ST6GALNAC5: variants seen among roughly 807,000 people sequenced by gnomAD.
ST6GALNAC5 encodes alpha-N-acetylgalactosaminide alpha-2,6-sialyltransferase 5.
Under a neutral mutation model 33.6 loss-of-function variants are expected in ST6GALNAC5, and 27 were observed. The ratio of observed to expected loss-of-function variants is 0.80; its 90% CI spans 0.59 to 1.11. The LOEUF (loss-of-function observed/expected upper bound fraction) is 1.11. Ranked by LOEUF, ST6GALNAC5 falls within the 50% of genes least tolerant of loss-of-function variation. The probability of loss-of-function intolerance (pLI) is 0.00; values close to 1 mark genes in which losing one functional copy is unlikely to be tolerated. For synonymous variants in ST6GALNAC5, 194 were observed against 171.2 expected (o/e 1.13, Z -1.04); for missense variants, 428 against 454.0 (o/e 0.94, Z 0.52).
intron 2 of ST6GALNAC5, among the ~76,000 whole-genome samples, chr1:76,994,034 A>G (rs949201772): frequency 6.6e-6 from 1 of 152,250 alleles, no homozygotes; most frequent in African/African-American, 2.4e-5. Context: ...AAATATCCAA[A>G]CAACTACAAT....
chr1:76,906,797 C>A (rs1485229820), intron 2 of ST6GALNAC5, among the ~76,000 whole-genome samples: 8 of 152,182 alleles, frequency 5.3e-5, no homozygotes, highest in Admixed American at 5.2e-4. Context: ...ACTTACTAGA[C>A]ACATTCCCTT....
intron 2 of ST6GALNAC5, among the ~76,000 whole-genome samples, chr1:77,028,666 G>A (rs1197081236): frequency 2.0e-5 from 3 of 152,222 alleles, no homozygotes; most frequent in African/African-American, 7.2e-5. Context: ...GTGAGTAGTG[G>A]GGTTTGCTGA....
At chr1:76,985,925 A>AAATG (rs1360027271) in intron 2 of ST6GALNAC5, among the ~76,000 whole-genome samples, 3 of 152,268 alleles carry the variant, frequency 2.0e-5, no homozygotes, top group Non-Finnish European at 4.4e-5. Context: ...CCTATTTAAT[A>AAATG]AATGGTGTTG....
intron 2 of ST6GALNAC5, among the ~76,000 whole-genome samples, chr1:76,901,488 C>T (rs1428833991): frequency 6.6e-6 from 1 of 152,166 alleles, no homozygotes; most frequent in Admixed American, 6.5e-5. Flanking sequence ...ACCATAGTAT[C>T]ATTTTAGTGC....
intron 2 of ST6GALNAC5, chr1:76,869,012 C>T: frequency 2.4e-6 from 1 of 410,188 alleles, no homozygotes; most frequent in Non-Finnish European, 4.1e-6. Flanking sequence ...AACTAGAACT[C>T]CCTGATCCCC....
At chr1:76,920,611 A>C (rs1041626508) in intron 2 of ST6GALNAC5, among the ~76,000 whole-genome samples, 1 of 152,140 alleles carries the variant, frequency 6.6e-6, no homozygotes, top group Non-Finnish European at 1.5e-5. Flanking sequence ...TCCCACTCTT[A>C]CCTCCTTCTG....
intron 2 of ST6GALNAC5, among the ~76,000 whole-genome samples, chr1:76,936,273 A>T (rs1291882303): frequency 2.0e-5 from 3 of 152,026 alleles, no homozygotes; most frequent in Non-Finnish European, 4.4e-5. Flanking sequence ...AGCTCATTAT[A>T]CAATTAAGGT....
intron 2 of ST6GALNAC5, among the ~76,000 whole-genome samples, chr1:76,915,446 A>T (rs1405248042): frequency 6.6e-6 from 1 of 152,140 alleles, no homozygotes. Context: ...ACCAACCCAA[A>T]TGTCCAATGA....
chr1:77,052,085 C>T (rs1204746961), intron 4 of ST6GALNAC5, among the ~76,000 whole-genome samples: 3 of 152,196 alleles, frequency 2.0e-5, no homozygotes, highest in East Asian at 1.9e-4. Context: ...CAATGCATTA[C>T]ATATTGCCAC....
At chr1:77,033,323 T>TGTATG (rs1651528357) in intron 2 of ST6GALNAC5, among the ~76,000 whole-genome samples, 1 of 152,220 alleles carries the variant, frequency 6.6e-6, no homozygotes, top group Admixed American at 6.5e-5. Context: ...CTGTGCAGAA[T>TGTATG]CGCTGCCTCA....
In ST6GALNAC5 at chr1:77,065,797, T is replaced by G. The variant is rs1652754557; in HGVS notation, c.*2591T>G. ...CCTAAGTCATACTCGTTATGTTACA[T>G]GCCTTTTTCCTCTCTCCCAGCTGTG... On this transcript the variant is annotated 3_prime_UTR_variant, in exon 5 of 5. Transcript: ENST00000477717. 6.6e-6 allele frequency: 1 copy of G among 152,240 alleles called. No homozygotes were observed. The highest frequency in any genetic ancestry group is 6.5e-5 in the Admixed American group (1 of 15,278). 9.4% of individuals were successfully genotyped at this position (152,240 alleles called of 1,614,324 possible). A position where few individuals can be genotyped will look rare whatever the true frequency, so the allele number is the denominator to read the frequency against.
At chr1:76,899,377 G>A (rs188231568) in intron 2 of ST6GALNAC5, among the ~76,000 whole-genome samples, 123 of 152,136 alleles carry the variant, frequency 8.1e-4, no homozygotes, top group African/African-American at 2.8e-3. Flanking sequence ...TGGAAATAAG[G>A]GGTTGGGGCA....
intron 2 of ST6GALNAC5, among the ~76,000 whole-genome samples, chr1:77,016,279 C>G (rs1370491940): frequency 7.4e-6 from 1 of 134,968 alleles, no homozygotes; most frequent in Non-Finnish European, 1.6e-5. Context: ...TCTCCTCCCC[C>G]TCATCCTCCT....
intron 2 of ST6GALNAC5, among the ~76,000 whole-genome samples, chr1:76,943,099 A>C (rs929191453): frequency 6.6e-6 from 1 of 152,092 alleles, no homozygotes; most frequent in Non-Finnish European, 1.5e-5. Flanking sequence ...CTCTAGCCAC[A>C]GTTAATGTTT....
chr1:77,044,661 A>G lies in ST6GALNAC5; in HGVS notation c.671+48A>G, dbSNP rs1322548750. 6 of 1,508,948 alleles carry G rather than the reference A, an allele frequency of 4.0e-6. 1 individual carries two copies. In the East Asian group the frequency reaches 1.4e-4, roughly 35 times the overall value. 93.5% of individuals were successfully genotyped at this position (1,508,948 alleles called of 1,614,324 possible). On this transcript the variant is annotated intron_variant, in intron 3 of 4. Transcript: ENST00000477717. ...ATGCAGGGGAGGGTGAGGATAAGTC[A>G]TCACTGGCTGACTCACCCAAAGCAA...
rs1423034436 is a variant in ST6GALNAC5 at position 77,065,825 on chromosome 1, A to C, written c.*2619A>C. The C allele has an allele frequency of 2.0e-5, 3 of 152,186 alleles. No individual in the cohort carries two copies. Among genetic ancestry groups the C allele is most frequent in the African/African-American group, 7.2e-5 (3 of 41,452 alleles). The allele number at this position is 152,186 out of a possible 1,614,324, so 9.4% of individuals were successfully genotyped here. A position where few individuals can be genotyped will look rare whatever the true frequency, so the allele number is the denominator to read the frequency against. ...CTTTTTCCTCTCTCCCAGCTGTGTC[A>C]TCAGCTCCCTCCTAGCTTTTAAGAC... On this transcript the variant is annotated 3_prime_UTR_variant, in exon 5 of 5. Coordinates refer to ENST00000477717, the MANE Select transcript of ST6GALNAC5 (RefSeq NM_030965.3).
At chr1:76,918,609 T>A (rs183968718) in intron 2 of ST6GALNAC5, among the ~76,000 whole-genome samples, 1,663 of 93,704 alleles carry the variant, frequency 0.018, 37 homozygotes, top group African/African-American at 0.064. Flanking sequence ...AGAGTGAGAC[T>A]CCATCTCAAA....
At chr1:77,000,849 A>G (rs1650125270) in intron 2 of ST6GALNAC5, among the ~76,000 whole-genome samples, 1 of 152,082 alleles carries the variant, frequency 6.6e-6, no homozygotes, top group Admixed American at 6.5e-5. Flanking sequence ...CCATTGATCT[A>G]TATCTCTGTT....
At chr1:77,006,336 T>C (rs1163976311) in intron 2 of ST6GALNAC5, among the ~76,000 whole-genome samples, 2 of 147,132 alleles carry the variant, frequency 1.4e-5, no homozygotes, top group African/African-American at 5.0e-5. Flanking sequence ...TTTTTTTTTT[T>C]TTTTTTTTTG....
Sources: allele counts gnomAD v4.1 joint callset (sites outside exome capture counted in the v4.1 genomes callset), GRCh38; gene constraint gnomAD v4.1.1; transcripts MANE v1.5; gene names NCBI Gene and HGNC (gene_info 2026-07-23, HGNC 2026-07-21).